The following ATXN1 variants were observed in gnomAD, a reference collection of about 807,000 sequenced individuals.
The protein encoded by ATXN1 is ataxin 1, also known as ataxin-1.
Under a neutral mutation model 56.4 loss-of-function variants are expected in ATXN1, and 8 were observed. The observed-to-expected ratio is 0.14, with a 90% confidence interval of 0.08 to 0.26. The LOEUF (loss-of-function observed/expected upper bound fraction) is 0.26. Among genes scored for constraint, ATXN1 ranks in the 10% least tolerant of loss-of-function variants. The probability of loss-of-function intolerance (pLI) is 1.00; values close to 1 mark genes in which losing one functional copy is unlikely to be tolerated. For synonymous variants in ATXN1, 514 were observed against 494.6 expected, an observed-to-expected ratio of 1.04 and a Z score of -0.52; for missense variants, 987 against 1,106.5, an observed-to-expected ratio of 0.89 and a Z score of 1.53.
At chr6:16,731,304 A>C (rs1366642117) in intron 2 of ATXN1, among the ~76,000 whole-genome samples, 1 of 152,122 alleles carries the variant, frequency 6.6e-6, no homozygotes, top group South Asian at 2.1e-4. Context: ...AATGAAAAGA[A>C]GATTCTGGGA....
chr6:16,474,944 TA>T (rs1760297511), intron 6 of ATXN1, among the ~76,000 whole-genome samples: 1 of 152,144 alleles, frequency 6.6e-6, no homozygotes, highest in Admixed American at 6.5e-5. Context: ...TCTTCTATCC[TA>T]AATTTCAAAG....
Position 16,323,112 on chromosome 6 carries a change from G to A in ATXN1, c.1917+3282C>T, listed in dbSNP as rs145593523. On this transcript the variant is annotated intron_variant, in intron 7 of 7. Transcript: ENST00000436367. ...GTGATCTCACTATGGGAAAAAACAT[G>A]AGAACAGGGCTCTGACTTCACAGGG... Among the ~76,000 whole-genome samples, 580 of 152,302 alleles carry A rather than the reference G, an allele frequency of 3.8e-3. 2 individuals are homozygous for A. The highest frequency in any genetic ancestry group is 0.011 in the African/African-American group (468 of 41,558).
chr6:16,489,006 C>T (rs1760605477), intron 5 of ATXN1, among the ~76,000 whole-genome samples: 1 of 152,166 alleles, frequency 6.6e-6, no homozygotes, highest in Non-Finnish European at 1.5e-5. Flanking sequence ...GAAAATGACA[C>T]AATGCCAATT....
chr6:16,613,915 G>A (rs1269361493), intron 3 of ATXN1, among the ~76,000 whole-genome samples: 2 of 151,776 alleles, frequency 1.3e-5, no homozygotes, highest in African/African-American at 4.8e-5. Context: ...TAAAAATCCT[G>A]ATCAAAAAAA....
At chr6:16,314,200 G>T (rs544147072) in intron 7 of ATXN1, among the ~76,000 whole-genome samples, 17 of 152,134 alleles carry the variant, frequency 1.1e-4, no homozygotes, top group African/African-American at 4.1e-4. Flanking sequence ...GTAAAATAAG[G>T]TTTTTTTCCC....
At position 16,301,388 on chromosome 6, in the gene ATXN1, T is replaced by C. The variant is rs1379318810; in HGVS notation, c.*4941A>G. Reference sequence around the variant, plus strand: ...AAATCTCAGCTCCGGAGTAGAGGTGTGCAAGTTGTTTGGAGTTTCCCTATG... The same window carrying C: ...AAATCTCAGCTCCGGAGTAGAGGTGCGCAAGTTGTTTGGAGTTTCCCTATG... On this transcript the variant is annotated 3_prime_UTR_variant, in exon 8 of 8. Coordinates refer to ENST00000436367, the MANE Select transcript of ATXN1 (RefSeq NM_001128164.2). 14 of 152,584 alleles carry C rather than the reference T, an allele frequency of 9.2e-5. No individual in the cohort carries two copies. Among genetic ancestry groups the C allele is most frequent in the Non-Finnish European group, 2.9e-5 (2 of 68,036 alleles). 9.5% of individuals were successfully genotyped at this position (152,584 alleles called of 1,614,324 possible). A position where few individuals can be genotyped will look rare whatever the true frequency, so the allele number is the denominator to read the frequency against.
At chr6:16,380,442 T>A (rs768146282) in intron 6 of ATXN1, among the ~76,000 whole-genome samples, 7 of 152,140 alleles carry the variant, frequency 4.6e-5, no homozygotes, top group Non-Finnish European at 7.4e-5. Context: ...TTTAGGCTCT[T>A]TTAGGGAGAT....
At chr6:16,464,830 T>G (rs1320658295) in intron 6 of ATXN1, among the ~76,000 whole-genome samples, 2 of 151,766 alleles carry the variant, frequency 1.3e-5, no homozygotes, top group Non-Finnish European at 1.5e-5. Flanking sequence ...ACACATGTCA[T>G]CTATTTGTCA....
chr6:16,714,969 G>A (rs1395635497), intron 2 of ATXN1, among the ~76,000 whole-genome samples: 1 of 152,072 alleles, frequency 6.6e-6, no homozygotes, highest in Admixed American at 6.6e-5. Flanking sequence ...AACAGAATGT[G>A]GCTTCTTTCA....
intron 7 of ATXN1, among the ~76,000 whole-genome samples, chr6:16,307,635 C>A (rs1760282107): frequency 6.7e-6 from 1 of 149,978 alleles, no homozygotes; most frequent in African/African-American, 2.5e-5. Context: ...GATCGTGCCA[C>A]TGGGCGATCC....
intron 5 of ATXN1, among the ~76,000 whole-genome samples, chr6:16,492,131 C>T (rs1760678006): frequency 1.3e-5 from 2 of 152,184 alleles, no homozygotes; most frequent in Admixed American, 1.3e-4. Flanking sequence ...TTCGGACCTC[C>T]AACAGATAAT....
chr6:16,711,802 G>C (rs956042891), intron 2 of ATXN1, among the ~76,000 whole-genome samples: 2 of 151,976 alleles, frequency 1.3e-5, no homozygotes, highest in Non-Finnish European at 2.9e-5. Context: ...ATTTTTAATA[G>C]AGACAGGGTT....
At chr6:16,707,119 T>C (rs531822035) in intron 2 of ATXN1, among the ~76,000 whole-genome samples, 8 of 152,088 alleles carry the variant, frequency 5.3e-5, no homozygotes, top group Non-Finnish European at 7.4e-5. Flanking sequence ...AGGCTCCTCC[T>C]CCCCATTCAT....
At chr6:16,314,700 C>G (rs1045930802) in intron 7 of ATXN1, among the ~76,000 whole-genome samples, 1 of 151,944 alleles carries the variant, frequency 6.6e-6, no homozygotes, top group Admixed American at 6.6e-5. Flanking sequence ...ACTGCAAACT[C>G]CACCTCCTGG....
Position 16,326,756 on chromosome 6 carries a change from G to T in ATXN1, c.1555C>A (p.Pro519Thr), listed in dbSNP as rs1288085799. The T allele has an allele frequency of 1.2e-6, 2 of 1,613,296 alleles. No homozygotes were observed. The highest frequency in any genetic ancestry group is 8.5e-7 in the Non-Finnish European group (1 of 1,179,762). Reference protein sequence around the residue: ...VTSSPQFAAVPHTFVTTALPK... With the variant: ...VTSSPQFAAVTHTFVTTALPK... The stretch of plus-strand genomic sequence containing the variant: ...AGGGCGGTGGTGACGAACGTGTGAG[G>T]CACTGCAGCAAACTGGGGGGATGAC... Residue 519 changes from proline to threonine, a missense_variant, in exon 7 of 8, where the codon CCT (proline) becomes ACT (threonine). Coordinates refer to ENST00000436367, the MANE Select transcript of ATXN1 (RefSeq NM_001128164.2). The surrounding 1 kb of genome is among the most constrained non-coding windows in gnomAD (Gnocchi z 6.6).
chr6:16,748,678 A>ATAAT (rs1446732971), intron 2 of ATXN1, among the ~76,000 whole-genome samples: 1 of 152,196 alleles, frequency 6.6e-6, no homozygotes, highest in Non-Finnish European at 1.5e-5. Flanking sequence ...CATACATTAG[A>ATAAT]TGCTCATTAA....
rs538300246 is a variant in ATXN1, at chr6:16,323,343, AC to A, written c.1917+3050del. ...AGACCAGCCTGGCCAACATGGTGAA[AC>A]CCTGTCTCTACTAAAAATACAAAAA... On this transcript the variant is annotated intron_variant, in intron 7 of 7. Transcript: ENST00000436367. Among the ~76,000 whole-genome samples the A allele has an allele frequency of 2.6e-4, 40 of 152,042 alleles. 1 individual carries two copies. The highest frequency in any genetic ancestry group is 8.9e-4 in the African/African-American group (37 of 41,474).
At chr6:16,730,016 C>T (rs181334336) in intron 2 of ATXN1, among the ~76,000 whole-genome samples, 24 of 152,350 alleles carry the variant, frequency 1.6e-4, no homozygotes, top group African/African-American at 4.8e-4. Flanking sequence ...AGCGCGATGG[C>T]GCACGCCTGT....
chr6:16,339,413 C>A (rs958008153), intron 6 of ATXN1, among the ~76,000 whole-genome samples: 2 of 152,132 alleles, frequency 1.3e-5, no homozygotes, highest in African/African-American at 4.8e-5. Flanking sequence ...ATAAACTAAC[C>A]AGCTGTTCCT....
Sources: allele counts gnomAD v4.1 joint callset (sites outside exome capture counted in the v4.1 genomes callset), GRCh38; gene constraint gnomAD v4.1.1; non-coding constraint Gnocchi (gnomAD v3.1); transcripts MANE v1.5; gene names NCBI Gene and HGNC (gene_info 2026-07-23, HGNC 2026-07-21).